The following TNS3 variants were observed in gnomAD, a reference collection of about 807,000 sequenced individuals.
TNS3 encodes tensin-3.
Under a neutral mutation model 140.9 loss-of-function variants are expected in TNS3, and 45 were observed. The ratio of observed to expected loss-of-function variants is 0.32; its 90% CI spans 0.25 to 0.41. TNS3 has a LOEUF of 0.41. TNS3 is among the 10% of genes least tolerant of loss of function. TNS3 has a pLI of 1.00. For missense variants in TNS3, 1,716 were observed against 1,906.7 expected, an observed-to-expected ratio of 0.90 and a Z score of 1.86; for synonymous variants, 815 against 788.4, an observed-to-expected ratio of 1.03 and a Z score of -0.56.
At chr7:47,526,635 C>CAG (rs2151933720) in intron 2 of TNS3, among the ~76,000 whole-genome samples, 1 of 152,342 alleles carries the variant, frequency 6.6e-6, no homozygotes, top group Admixed American at 6.5e-5. Context: ...ATCTGACAGG[C>CAG]AGAAGTCAGT....
intron 17 of TNS3, among the ~76,000 whole-genome samples, chr7:47,353,135 T>A (rs1292836389): frequency 1.3e-5 from 2 of 152,190 alleles, no homozygotes; most frequent in South Asian, 4.1e-4. Flanking sequence ...CACTGCCAGC[T>A]CAGAGAGCTC....
chr7:47,371,306 C>T (rs1421673182), intron 16 of TNS3, among the ~76,000 whole-genome samples: 2 of 152,212 alleles, frequency 1.3e-5, no homozygotes, highest in Admixed American at 6.5e-5. Context: ...GCAGGAGCAT[C>T]GTGCATTTTC....
At chr7:47,336,641 A>G (rs1471073798) in intron 20 of TNS3, among the ~76,000 whole-genome samples, 3 of 152,208 alleles carry the variant, frequency 2.0e-5, no homozygotes, top group African/African-American at 7.2e-5. Context: ...CTTATGGCTA[A>G]ACTAAGTGCC....
At chr7:47,505,814 C>T (rs1221814842) in intron 3 of TNS3, among the ~76,000 whole-genome samples, 1 of 152,046 alleles carries the variant, frequency 6.6e-6, no homozygotes, top group Non-Finnish European at 1.5e-5. Context: ...TATGTGCATG[C>T]ATGTGTATTT....
chr7:47,329,667 G>A (rs1438434510), intron 20 of TNS3, among the ~76,000 whole-genome samples: 1 of 152,190 alleles, frequency 6.6e-6, no homozygotes, highest in Non-Finnish European at 1.5e-5. Context: ...GCCTGACCAC[G>A]GACAGAGCAG....
intron 3 of TNS3, among the ~76,000 whole-genome samples, chr7:47,486,544 G>A (rs1030316170): frequency 2.0e-5 from 3 of 152,070 alleles, no homozygotes; most frequent in Admixed American, 6.5e-5. Flanking sequence ...GCACTGGCCC[G>A]GCCACCATTA....
At chr7:47,356,962 C>T (rs1317785203) in intron 17 of TNS3, among the ~76,000 whole-genome samples, 3 of 151,210 alleles carry the variant, frequency 2.0e-5, no homozygotes, top group Non-Finnish European at 4.4e-5. Context: ...GTGGCACATG[C>T]CTGTCGTCCT....
intron 9 of TNS3, among the ~76,000 whole-genome samples, chr7:47,427,825 T>C (rs948995464): frequency 3.3e-5 from 5 of 152,166 alleles, no homozygotes; most frequent in Non-Finnish European, 7.3e-5. Flanking sequence ...ATGGGAATGA[T>C]AGTAACTGCC....
At chr7:47,530,838 A>AAAATATAT in intron 1 of TNS3, among the ~76,000 whole-genome samples, 5 of 54,562 alleles carry the variant, frequency 9.2e-5, no homozygotes, top group African/African-American at 3.9e-4. Context: ...AAAAAAAAAA[A>AAAATATAT]ATATATATAT....
At chr7:47,365,373 A>G (rs1584489969) in intron 17 of TNS3, among the ~76,000 whole-genome samples, 1 of 151,304 alleles carries the variant, frequency 6.6e-6, no homozygotes, top group South Asian at 2.1e-4. Flanking sequence ...TGAACCCAGG[A>G]GGCGGAGGTT....
intron 2 of TNS3, among the ~76,000 whole-genome samples, chr7:47,520,335 A>G (rs1380990701): frequency 1.3e-5 from 2 of 152,184 alleles, no homozygotes; most frequent in African/African-American, 2.4e-5. Flanking sequence ...CCAACAGAAA[A>G]CAACCCCACA....
At chr7:47,333,306 G>A (rs1054648472) in intron 20 of TNS3, among the ~76,000 whole-genome samples, 13 of 152,190 alleles carry the variant, frequency 8.5e-5, no homozygotes, top group Non-Finnish European at 1.3e-4. Context: ...AGGAGGCTGC[G>A]ATGTTTGCTA....
At chr7:47,477,539 T>C (rs1245780161) in intron 4 of TNS3, among the ~76,000 whole-genome samples, 2 of 152,072 alleles carry the variant, frequency 1.3e-5, no homozygotes, top group African/African-American at 4.8e-5. Flanking sequence ...GGGAGTTTCT[T>C]CAGTTTTCTG....
At chr7:47,456,939 G>A (rs924374884) in intron 4 of TNS3, among the ~76,000 whole-genome samples, 4 of 151,834 alleles carry the variant, frequency 2.6e-5, no homozygotes, top group African/African-American at 9.7e-5. Context: ...TAACGAGACT[G>A]TCTTCCAAGG....
At chr7:47,405,348 C>T (rs1047992990) in intron 13 of TNS3, 2 of 598,842 alleles carry the variant, frequency 3.3e-6, no homozygotes, top group East Asian at 2.8e-5. Flanking sequence ...TCACTCAATG[C>T]TCCACTGGTG....
At chr7:47,344,437 G>A (rs1789199205) in intron 20 of TNS3, among the ~76,000 whole-genome samples, 1 of 152,174 alleles carries the variant, frequency 6.6e-6, no homozygotes, top group African/African-American at 2.4e-5. Context: ...GAAGTGTGGG[G>A]TGGGCATTCT....
chr7:47,280,726 C>T (rs576248433), intron 28 of TNS3, among the ~76,000 whole-genome samples: 1 of 152,218 alleles, frequency 6.6e-6, no homozygotes, highest in East Asian at 1.9e-4. Context: ...CCAGCCTGAC[C>T]AACATGTGAA....
intron 4 of TNS3, among the ~76,000 whole-genome samples, chr7:47,471,104 T>A (rs561828030): frequency 3.9e-5 from 6 of 151,974 alleles, no homozygotes; most frequent in Non-Finnish European, 7.4e-5. Flanking sequence ...CAGAAACCCT[T>A]TGGAAATAGC....
chr7:47,449,261 C>T (rs149696454), intron 4 of TNS3, among the ~76,000 whole-genome samples: 1 of 152,310 alleles, frequency 6.6e-6, no homozygotes, highest in East Asian at 1.9e-4. Context: ...AATGCTAGTG[C>T]GGCATTTCAA....
Sources: allele counts gnomAD v4.1 joint callset (sites outside exome capture counted in the v4.1 genomes callset), GRCh38; gene constraint gnomAD v4.1.1; transcripts MANE v1.5; gene names NCBI Gene and HGNC (gene_info 2026-07-23, HGNC 2026-07-21).